SGCZ: variants seen among roughly 807,000 people sequenced by gnomAD.
SGCZ encodes zeta-sarcoglycan.
In SGCZ, 40 loss-of-function variants were observed where a neutral mutation model predicts 41.3. The ratio of observed to expected loss-of-function variants is 0.97; its 90% CI spans 0.75 to 1.26. The LOEUF (loss-of-function observed/expected upper bound fraction) is 1.26, where lower values mean the gene tolerates loss of function less well. SGCZ is among the 50% of genes most tolerant of loss of function. SGCZ has a pLI of 0.00. For missense variants in SGCZ, 552 were observed against 369.8 expected (o/e 1.49, Z -4.04); for synonymous variants, 206 against 137.5 (o/e 1.50, Z -3.49).
chr8:14,430,109 G>T (rs146420570), intron 2 of SGCZ, among the ~76,000 whole-genome samples: 80 of 152,088 alleles, frequency 5.3e-4, no homozygotes, highest in African/African-American at 1.9e-3. Context: ...GCAGAATTCT[G>T]CAAGACATTC....
rs62493116 is a variant in SGCZ at position 14,655,958 on chromosome 8, C to G, written c.40-101032G>C. Among the ~76,000 whole-genome samples, 706 of 152,146 alleles carry G rather than the reference C, an allele frequency of 4.6e-3. 2 individuals are homozygous for G. Among genetic ancestry groups the G allele is most frequent in the Middle Eastern group, 0.01 (3 of 294 alleles). On this transcript the variant is annotated intron_variant, in intron 1 of 7. Transcript: ENST00000382080. ...TATTGCTCCTTTTTATTGCTGAAGA[C>G]CCATCCATCGTCTGGATGTAGCACA...
chr8:14,255,548 T>G (rs1024736793), intron 3 of SGCZ, among the ~76,000 whole-genome samples: 3 of 152,002 alleles, frequency 2.0e-5, no homozygotes, highest in African/African-American at 7.3e-5. Flanking sequence ...TAAATTTGTT[T>G]TATCATCGCT....
At chr8:14,165,377 T>C (rs1021637297) in intron 4 of SGCZ, 1 of 152,188 alleles carries the variant, frequency 6.6e-6, no homozygotes, top group African/African-American at 2.4e-5. Context: ...TGGCCAATTC[T>C]ACACACTGAT....
chr8:14,308,957 T>A, intron 3 of SGCZ: 1 of 645,688 alleles, frequency 1.5e-6, no homozygotes, highest in South Asian at 2.1e-5. Flanking sequence ...TGATTGGCAC[T>A]TCAGAGTTTC....
intron 1 of SGCZ, among the ~76,000 whole-genome samples, chr8:15,060,618 C>G (rs1224322271): frequency 6.8e-6 from 1 of 147,506 alleles, no homozygotes; most frequent in Non-Finnish European, 1.5e-5. Context: ...CACATGTATA[C>G]ATAGGTAACA....
chr8:14,091,149 C>G (rs1801677569), intron 7 of SGCZ, among the ~76,000 whole-genome samples: 1 of 151,600 alleles, frequency 6.6e-6, no homozygotes, highest in Non-Finnish European at 1.5e-5. Flanking sequence ...ATCCATGTCC[C>G]TGCAAAGGAC....
intron 3 of SGCZ, among the ~76,000 whole-genome samples, chr8:14,311,912 G>C (rs1054968429): frequency 1.3e-5 from 2 of 152,106 alleles, no homozygotes; most frequent in African/African-American, 4.8e-5. Context: ...CTGCTCTATA[G>C]AATATACATA....
At chr8:14,716,266 G>C (rs1281131595) in intron 1 of SGCZ, among the ~76,000 whole-genome samples, 4 of 151,978 alleles carry the variant, frequency 2.6e-5, no homozygotes, top group Non-Finnish European at 4.4e-5. Flanking sequence ...AGAAAACAAT[G>C]TTAGACTAGA....
At chr8:14,381,633 G>T (rs906795066) in intron 2 of SGCZ, among the ~76,000 whole-genome samples, 2 of 151,788 alleles carry the variant, frequency 1.3e-5, no homozygotes, top group Admixed American at 6.6e-5. Context: ...TGAAAAATTG[G>T]CTGGGTGTAG....
intron 1 of SGCZ, among the ~76,000 whole-genome samples, chr8:15,162,025 G>C (rs375929513): frequency 6.6e-6 from 1 of 152,120 alleles, no homozygotes; most frequent in Non-Finnish European, 1.5e-5. Context: ...CGTGAAAAGA[G>C]GCAAACTGCC....
intron 1 of SGCZ, among the ~76,000 whole-genome samples, chr8:14,702,781 ACAGACAGACAGGCAGACAGG>A (rs1809186234): frequency 6.9e-5 from 4 of 57,856 alleles, no homozygotes; most frequent in South Asian, 6.4e-4. Flanking sequence ...AGATAGATAG[ACAGACAGACAGGCAGACAGG>A]TAGGTAGTTA....
intron 1 of SGCZ, among the ~76,000 whole-genome samples, chr8:15,116,163 G>C (rs996955125): frequency 1.3e-5 from 2 of 152,080 alleles, no homozygotes; most frequent in Non-Finnish European, 2.9e-5. Flanking sequence ...TCCTGAAATG[G>C]TGCTACATCC....
At chr8:14,202,079 T>C (rs1191620552) in intron 4 of SGCZ, among the ~76,000 whole-genome samples, 1 of 152,172 alleles carries the variant, frequency 6.6e-6, no homozygotes, top group Non-Finnish European at 1.5e-5. Context: ...TTAAGGTTGC[T>C]CACCGCCTGA....
intron 1 of SGCZ, among the ~76,000 whole-genome samples, chr8:15,231,174 C>T (rs535094936): frequency 6.6e-6 from 1 of 152,298 alleles, no homozygotes; most frequent in African/African-American, 2.4e-5. Context: ...GAAGCTTTAG[C>T]CCCTGTTTCC....
intron 5 of SGCZ, among the ~76,000 whole-genome samples, chr8:14,125,921 C>G (rs73217948): frequency 0.084 from 12,815 of 152,186 alleles, 593 homozygotes; most frequent in Middle Eastern, 0.12. Context: ...AACTGGCGTG[C>G]CATATGCAGA....
intron 2 of SGCZ, among the ~76,000 whole-genome samples, chr8:14,454,702 G>A (rs887963199): frequency 6.6e-6 from 1 of 152,120 alleles, no homozygotes; most frequent in African/African-American, 2.4e-5. Context: ...CAGTGAAATA[G>A]AATGGGAAGT....
chr8:15,225,724 G>A lies in SGCZ; in HGVS notation c.39+11861C>T, dbSNP rs1044102774. 2.0e-5 allele frequency among the ~76,000 whole-genome samples: 3 copies of A among 152,152 alleles called. No individual in the cohort carries two copies. In the East Asian group the frequency reaches 5.8e-4, roughly 29 times the overall value. ...GAAAGTATGGGATGTGACTTGCTTG[G>A]AGACTGGCTGGACAGAGGGAAAGTA... On this transcript the variant is annotated intron_variant, in intron 1 of 7. Coordinates refer to ENST00000382080, the MANE Select transcript of SGCZ (RefSeq NM_139167.4).
chr8:15,062,188 C>T (rs1220664931), intron 1 of SGCZ, among the ~76,000 whole-genome samples: 2 of 152,044 alleles, frequency 1.3e-5, no homozygotes, highest in Admixed American at 1.3e-4. Flanking sequence ...ACTTTAAAAG[C>T]ATTAAGTTTT....
At chr8:14,596,028 CG>C (rs1216098081) in intron 1 of SGCZ, among the ~76,000 whole-genome samples, 1 of 152,182 alleles carries the variant, frequency 6.6e-6, no homozygotes, top group Non-Finnish European at 1.5e-5. Context: ...TCAGTTTACA[CG>C]GTTAAATAAT....
Sources: allele counts gnomAD v4.1 joint callset (sites outside exome capture counted in the v4.1 genomes callset), GRCh38; gene constraint gnomAD v4.1.1; transcripts MANE v1.5; gene names NCBI Gene and HGNC (gene_info 2026-07-23, HGNC 2026-07-21).